Variants in RPL26 observed in about 807,000 individuals in gnomAD.
RPL26 encodes the protein ribosomal protein L26.
In RPL26, 1 loss-of-function variant was observed where a neutral mutation model predicts 16.2. The ratio of observed to expected loss-of-function variants is 0.06; its 90% CI spans 0.02 to 0.29. The LOEUF (loss-of-function observed/expected upper bound fraction) is 0.29, where lower values mean the gene tolerates loss of function less well. Among genes scored for constraint, RPL26 ranks in the 10% least tolerant of loss-of-function variants. The pLI is 1.00. For missense variants in RPL26, 102 were observed against 184.3 expected (o/e 0.55, Z 2.58); for synonymous variants, 55 against 62.4 (o/e 0.88, Z 0.56).
Position 8,382,171 on chromosome 17 carries a change from A to G in RPL26, c.140T>C (p.Met47Thr). Residue 47 changes from methionine (M) to threonine (T), a missense_variant, in exon 2 of 4, where the codon ATG (methionine) becomes ACG (threonine). By Grantham distance (81) the Met-to-Thr change is moderately conservative. Coordinates refer to ENST00000648839, the MANE Select transcript of RPL26 (RefSeq NM_000987.5). The part of the protein sequence containing the change: ...ELRQKYNVRS[M>T]PIRKDDEVQV... ...AACTTCATCATCCTTTCGGATGGGC[A>G]TGGATCGCACGTTGTACTTCTGTCT... 1.2e-6 allele frequency: 2 copies of G among 1,613,858 alleles called. No individual in the cohort carries two copies. The highest frequency in any genetic ancestry group is 2.2e-5 in the East Asian group (1 of 44,882).
chr17:8,380,106 A>T (rs1907343751), intron 2 of RPL26, 170 bp from the exon 3 acceptor site: 1 of 587,258 alleles, frequency 1.7e-6, no homozygotes. Context: ...CTGTTACTCC[A>T]TCTCAAAAGC....
intron 3 of RPL26, among the ~76,000 whole-genome samples, chr17:8,378,073 C>T (rs974299403): frequency 6.6e-6 from 1 of 152,156 alleles, no homozygotes; most frequent in Admixed American, 6.5e-5. Context: ...GTTCATGCCC[C>T]CAATCCCAGC....
intron 1 of RPL26, 89 bp from the exon 2 acceptor site, chr17:8,382,404 T>A: frequency 1.0e-6 from 1 of 955,042 alleles, no homozygotes; most frequent in South Asian, 1.6e-5. Context: ...CTTGATAGTC[T>A]AGAATGATCA....
chr17:8,380,494 G>T (rs1352792157), intron 2 of RPL26: 1 of 152,586 alleles, frequency 6.6e-6, no homozygotes, highest in African/African-American at 2.4e-5. Context: ...TTTAGAGACT[G>T]CCTGAATTCT....
intron 3 of RPL26, among the ~76,000 whole-genome samples, chr17:8,378,754 C>T (rs1423086914): frequency 2.0e-5 from 3 of 152,178 alleles, no homozygotes; most frequent in Non-Finnish European, 2.9e-5. Flanking sequence ...TCCACAGTCA[C>T]TGAACTCATA....
intron 3 of RPL26, among the ~76,000 whole-genome samples, chr17:8,378,894 C>T (rs968381053): frequency 6.6e-5 from 10 of 152,054 alleles, no homozygotes; most frequent in African/African-American, 2.4e-4. Flanking sequence ...TGAACAGAGA[C>T]CTAAAGTGGT....
chr17:8,377,707 GA>G lies in RPL26; in HGVS notation c.310-16del. The stretch of plus-strand genomic sequence containing the variant: ...GTGATAACCACCTGCAGAAAAATAA[GA>G]AAAAAACACTCCCAAGCTTTAAATA... On this transcript the variant is annotated splice_polypyrimidine_tract_variant and intron_variant, in intron 3 of 3. Coordinates refer to ENST00000648839, the MANE Select transcript of RPL26 (RefSeq NM_000987.5). 2.5e-6 allele frequency: 4 copies of G among 1,591,698 alleles called. No individual in the cohort carries two copies. The highest frequency in any genetic ancestry group is 2.2e-5 in the East Asian group (1 of 44,676).
At chr17:8,377,805 AAGAAAAGATTTTAACTTTTAAAAAACTCC>A (rs1236415362) in intron 3 of RPL26, 113 bp from the exon 4 acceptor site, 17 of 918,704 alleles carry the variant, frequency 1.9e-5, no homozygotes, top group Non-Finnish European at 2.6e-5. Context: ...GATGCCTAAT[AAGAAAAGATTTTAACTTTTAAAAAACTCC>A]AGAAATCACT....
In RPL26 at chr17:8,382,868, G is replaced by A. The variant is rs1436283721; in HGVS notation, c.-6+289C>T. Reference sequence around the variant, plus strand: ...AATTCCGTGAAGACTTTACCGAGAAGTTACTTCGAGACCATTCTCTAGGAA... The same window carrying A: ...AATTCCGTGAAGACTTTACCGAGAAATTACTTCGAGACCATTCTCTAGGAA... On this transcript the variant is annotated intron_variant, in intron 1 of 3. Transcript: ENST00000648839. The A allele has an allele frequency of 1.0e-5, 4 of 394,834 alleles. No homozygotes were observed. In the East Asian group the frequency reaches 1.1e-4, roughly 11 times the overall value. 24.5% of individuals were successfully genotyped at this position (394,834 alleles called of 1,614,324 possible).
At chr17:8,383,021 T>C (rs1907500421) in intron 1 of RPL26, 136 bp downstream of exon 1, 1 of 398,168 alleles carries the variant, frequency 2.5e-6, no homozygotes, top group East Asian at 3.6e-5. Context: ...AAGCAACAGA[T>C]AAAAAACCAT....
intron 1 of RPL26, chr17:8,382,725 C>G (rs1240002882): frequency 3.3e-6 from 1 of 306,328 alleles, no homozygotes; most frequent in Non-Finnish European, 5.9e-6. Context: ...CTTCTACAGG[C>G]TTAAGAGTGA....
chr17:8,383,122 T>G (rs1000610630), intron 1 of RPL26, 35 bp downstream of exon 1: 3 of 398,646 alleles, frequency 7.5e-6, no homozygotes, highest in Non-Finnish European at 1.3e-5. Flanking sequence ...AACGGATGGC[T>G]GCTGATTACA....
At chr17:8,382,723 G>A (rs1032008972) in intron 1 of RPL26, 3 of 303,702 alleles carry the variant, frequency 9.9e-6, no homozygotes, top group African/African-American at 6.5e-5. Flanking sequence ...ATCTTCTACA[G>A]GCTTAAGAGT....
chr17:8,382,647 T>C (rs1907477170), intron 1 of RPL26: 1 of 312,812 alleles, frequency 3.2e-6, no homozygotes, highest in Non-Finnish European at 5.9e-6. Flanking sequence ...ACATCTCTGC[T>C]GAGCAGACCG....
At position 8,383,191 on chromosome 17, in the gene RPL26, G is replaced by A. The variant is rs564854898; in HGVS notation, c.-40C>T. ...CTTCGGTGATGGCCGCAAAAGGGAA[G>A]AGAACTACACGCTGCTTCCGGTTCT... On this transcript the variant is annotated 5_prime_UTR_variant, in exon 1 of 4. Transcript: ENST00000648839. The A allele has an allele frequency of 2.4e-4, 96 of 398,636 alleles. No individual in the cohort carries two copies. In the Admixed American group the frequency reaches 3.1e-3, roughly 13 times the overall value. 24.7% of individuals were successfully genotyped at this position (398,636 alleles called of 1,614,324 possible).
rs923205709 is a variant in RPL26, at chr17:8,379,783, C to A, written c.309+13G>T. On this transcript the variant is annotated intron_variant, in intron 3 of 3. Coordinates refer to ENST00000648839, the MANE Select transcript of RPL26 (RefSeq NM_000987.5). ...ATAATTTCCTTCTCTCAAGCATTCT[C>A]AAAAACACCTACCTTGCTGGGGTGA... The A allele has an allele frequency of 2.0e-5, 33 of 1,610,904 alleles. No individual in the cohort carries two copies. Among genetic ancestry groups the A allele is most frequent in the Non-Finnish European group, 2.8e-5 (33 of 1,178,840 alleles).
rs767239325 is a variant in RPL26, at chr17:8,377,630, T to C, written c.372A>G (p.Lys124=). 4 of 1,610,360 alleles carry C rather than the reference T, an allele frequency of 2.5e-6. No homozygotes were observed. Among genetic ancestry groups the C allele is most frequent in the East Asian group, 2.2e-5 (1 of 44,876 alleles). Residue 124 remains lysine (K), a synonymous_variant, in exon 4 of 4, where the codon AAA becomes AAG. Coordinates refer to ENST00000648839, the MANE Select transcript of RPL26 (RefSeq NM_000987.5). ...DRKKILERKA[K]SRQVGKEKGK... Reference sequence around the variant, plus strand: ...CCTTTTCCTTTCCTACTTGGCGAGATTTGGCTTTCCGTTCGAGGATCTTTT... The same window carrying C: ...CCTTTTCCTTTCCTACTTGGCGAGACTTGGCTTTCCGTTCGAGGATCTTTT...
intron 2 of RPL26, chr17:8,380,201 G>A (rs968097457): frequency 1.3e-5 from 5 of 377,540 alleles, no homozygotes; most frequent in South Asian, 6.9e-5. Context: ...AATGCTTAAC[G>A]GAACAAACCA....
chr17:8,380,447 G>C (rs1012808760), intron 2 of RPL26: 1 of 153,562 alleles, frequency 6.5e-6, no homozygotes, highest in African/African-American at 2.4e-5. Context: ...TTTTGAAATA[G>C]GCATGAAAAA....
Sources: gnomAD v4.1 joint callset for allele counts (sites outside exome capture counted in the v4.1 genomes callset) on GRCh38, gnomAD v4.1.1 for gene constraint, MANE v1.5 for transcripts, NCBI Gene and HGNC (gene_info 2026-07-23, HGNC 2026-07-21) for gene names.